The following PHACTR1 variants were observed in gnomAD, a reference collection of about 807,000 sequenced individuals.
PHACTR1 encodes the protein phosphatase and actin regulator 1, also known as RPEL repeat containing 1.
In PHACTR1, 16 loss-of-function variants were observed where a neutral mutation model predicts 69.2. The ratio of observed to expected loss-of-function variants is 0.23; its 90% CI spans 0.16 to 0.35. The LOEUF (loss-of-function observed/expected upper bound fraction) is 0.35. PHACTR1 is among the 10% of genes least tolerant of loss of function. The pLI is 1.00. For missense variants in PHACTR1, 510 were observed against 734.7 expected (o/e 0.69, Z 3.54); for synonymous variants, 312 against 284.5 (o/e 1.10, Z -0.97).
intron 4 of PHACTR1, among the ~76,000 whole-genome samples, chr6:12,886,082 G>A (rs886169264): frequency 2.0e-5 from 3 of 152,108 alleles, no homozygotes; most frequent in Non-Finnish European, 2.9e-5. Context: ...GTGACAGGGT[G>A]AGACTCCATC....
At chr6:13,125,921 A>G (rs1004508839) in intron 5 of PHACTR1, among the ~76,000 whole-genome samples, 20 of 151,860 alleles carry the variant, frequency 1.3e-4, no homozygotes, top group Non-Finnish European at 2.2e-4. Flanking sequence ...CAGGAGTGAG[A>G]CCCTGTCTCA....
Position 12,791,688 on chromosome 6 carries a change from T to G in PHACTR1, c.250+41898T>G, listed in dbSNP as rs1047475706. ...ATGCACCAACTTTTATTCAGAAGAT[T>G]ATATGAGACCATGAATGACTGTGTG... On this transcript the variant is annotated intron_variant, in intron 4 of 14. Coordinates refer to ENST00000332995, the MANE Select transcript of PHACTR1 (RefSeq NM_030948.6). Among the ~76,000 whole-genome samples, 24 of 152,314 alleles carry G rather than the reference T, an allele frequency of 1.6e-4. No homozygotes were observed. The Middle Eastern group carries it at 0.014, about 86-fold the overall frequency.
intron 3 of PHACTR1, among the ~76,000 whole-genome samples, chr6:12,728,565 T>C (rs1561823867): frequency 6.6e-6 from 1 of 152,170 alleles, no homozygotes; most frequent in Non-Finnish European, 1.5e-5. Context: ...CTTGTAACTT[T>C]AGGCAAGTTA....
chr6:13,119,234 G>C (rs1818315437), intron 5 of PHACTR1, among the ~76,000 whole-genome samples: 1 of 152,194 alleles, frequency 6.6e-6, no homozygotes, highest in South Asian at 2.1e-4. Context: ...CCCAAACAGA[G>C]ACTAGCGTCA....
At chr6:13,109,937 A>T (rs2127900067) in intron 5 of PHACTR1, among the ~76,000 whole-genome samples, 1 of 149,660 alleles carries the variant, frequency 6.7e-6, no homozygotes, top group Middle Eastern at 3.4e-3. Flanking sequence ...ATATTGTCTA[A>T]TCTGTTATTC....
intron 7 of PHACTR1, among the ~76,000 whole-genome samples, chr6:13,199,958 G>A (rs1043734491): frequency 6.6e-6 from 1 of 152,164 alleles, no homozygotes; most frequent in Non-Finnish European, 1.5e-5. Context: ...ATAGATTTTA[G>A]GCAAATTAGC....
At chr6:12,869,715 A>G (rs1204838897) in intron 4 of PHACTR1, among the ~76,000 whole-genome samples, 2 of 152,132 alleles carry the variant, frequency 1.3e-5, no homozygotes, top group East Asian at 1.9e-4. Context: ...CCCCACCTAC[A>G]TGAGATTCTT....
At chr6:12,952,272 C>G (rs1455811061) in intron 4 of PHACTR1, among the ~76,000 whole-genome samples, 42 of 152,206 alleles carry the variant, frequency 2.8e-4, no homozygotes, top group Non-Finnish European at 4.4e-5. Context: ...AGGGTTCACT[C>G]TTGGTGCTGA....
intron 4 of PHACTR1, among the ~76,000 whole-genome samples, chr6:12,771,960 G>A (rs901999458): frequency 5.9e-5 from 9 of 152,194 alleles, no homozygotes; most frequent in Admixed American, 3.9e-4. Flanking sequence ...CCTTGGCAGA[G>A]AGAAAATGGC....
intron 4 of PHACTR1, among the ~76,000 whole-genome samples, chr6:12,975,087 G>A (rs1467268473): frequency 2.6e-5 from 4 of 152,198 alleles, no homozygotes; most frequent in African/African-American, 7.2e-5. Flanking sequence ...GTTATGGGCC[G>A]AGGGAGTGCT....
chr6:13,226,632 AAAGGG>A (rs1236021780), intron 8 of PHACTR1, among the ~76,000 whole-genome samples: 1 of 152,204 alleles, frequency 6.6e-6, no homozygotes, highest in African/African-American at 2.4e-5. Flanking sequence ...CTGTCATAAA[AAAGGG>A]TTCTAAGTTA....
At chr6:12,982,499 T>C (rs1216399954) in intron 4 of PHACTR1, among the ~76,000 whole-genome samples, 1 of 152,092 alleles carries the variant, frequency 6.6e-6, no homozygotes, top group Non-Finnish European at 1.5e-5. Context: ...GCCAACATGG[T>C]CAAACCCCAT....
At chr6:13,206,249 G>A in intron 8 of PHACTR1, 113 bp downstream of exon 8, 3 of 1,141,722 alleles carry the variant, frequency 2.6e-6, no homozygotes, top group South Asian at 3.8e-5. Flanking sequence ...CCCCACTGGG[G>A]GAAAATGTTT....
intron 8 of PHACTR1, among the ~76,000 whole-genome samples, chr6:13,210,066 G>A (rs1300118305): frequency 6.6e-6 from 1 of 152,142 alleles, no homozygotes; most frequent in South Asian, 2.1e-4. Context: ...GTAGTGCAGT[G>A]GCATGATCAT....
At chr6:12,888,306 G>A (rs1293849089) in intron 4 of PHACTR1, among the ~76,000 whole-genome samples, 1 of 151,926 alleles carries the variant, frequency 6.6e-6, no homozygotes, top group Admixed American at 6.6e-5. Flanking sequence ...ATTAGGAATG[G>A]GCCCTCACCA....
At chr6:13,266,449 T>C (rs186190188) in intron 10 of PHACTR1, 3 of 151,086 alleles carry the variant, frequency 2.0e-5, no homozygotes, top group African/African-American at 7.2e-5. Context: ...CGGCTTCACA[T>C]TGCTCCTAGA....
intron 7 of PHACTR1, among the ~76,000 whole-genome samples, 175 bp from the exon 8 acceptor site, chr6:13,205,640 A>G (rs1176047710): frequency 1.3e-5 from 2 of 152,240 alleles, no homozygotes; most frequent in Non-Finnish European, 2.9e-5. Flanking sequence ...GTAGGAAACA[A>G]GAGTCAATGG....
At chr6:12,977,978 C>T (rs1403334377) in intron 4 of PHACTR1, among the ~76,000 whole-genome samples, 1 of 152,206 alleles carries the variant, frequency 6.6e-6, no homozygotes, top group Non-Finnish European at 1.5e-5. Flanking sequence ...AACATATGTG[C>T]ATGTGAACAC....
In PHACTR1 at chr6:13,182,692, G is replaced by A; in HGVS notation, c.664+6G>A. 6.5e-7 allele frequency: 1 copy of A among 1,527,588 alleles called. No homozygotes were observed. 94.6% of individuals were successfully genotyped at this position (1,527,588 alleles called of 1,614,324 possible). ...AGACATCATGGATGGGCCAGGTAATGCCCCGGCAGGATTGTAGAGCAGGTC... is the reference window on the plus strand; with the variant it reads ...AGACATCATGGATGGGCCAGGTAATACCCCGGCAGGATTGTAGAGCAGGTC... On this transcript the variant is annotated splice_donor_region_variant and intron_variant, in intron 7 of 14. Coordinates refer to ENST00000332995, the MANE Select transcript of PHACTR1 (RefSeq NM_030948.6).
Sources: allele counts gnomAD v4.1 joint callset (sites outside exome capture counted in the v4.1 genomes callset), GRCh38; gene constraint gnomAD v4.1.1; transcripts MANE v1.5; gene names NCBI Gene and HGNC (gene_info 2026-07-23, HGNC 2026-07-21).